Variants in GALNT13 observed in about 807,000 individuals in gnomAD.
GALNT13 encodes polypeptide N-acetylgalactosaminyltransferase 13.
GALNT13 carries 28 observed loss-of-function variants against 64.2 expected under a neutral mutation model. The observed-to-expected ratio is 0.44, with a 90% CI of 0.32 to 0.60. The LOEUF (loss-of-function observed/expected upper bound fraction) is 0.60. Ranked by LOEUF, GALNT13 falls within the 20% of genes least tolerant of loss-of-function variation. GALNT13 has a pLI of 0.05. For missense variants in GALNT13, 577 were observed against 669.8 expected (o/e 0.86, Z 1.53); for synonymous variants, 214 against 224.6 (o/e 0.95, Z 0.42).
chr2:154,015,405 G>A (rs1696935871), intron 3 of GALNT13, among the ~76,000 whole-genome samples: 1 of 152,194 alleles, frequency 6.6e-6, no homozygotes, highest in South Asian at 2.1e-4. Flanking sequence ...CTGTGCTGAT[G>A]TAGGTACTTC....
intron 4 of GALNT13, among the ~76,000 whole-genome samples, chr2:154,176,357 C>G (rs1023488732): frequency 6.6e-6 from 1 of 151,340 alleles, no homozygotes; most frequent in Non-Finnish European, 1.5e-5. Flanking sequence ...TCACTGCAAC[C>G]TCCGCCTCCT....
chr2:153,247,516 A>G, the GALNT13 span, among the ~76,000 whole-genome samples: 1 of 152,248 alleles, frequency 6.6e-6, no homozygotes, highest in Non-Finnish European at 1.5e-5. Context: ...TGGAAATTCA[A>G]AGATATTTCC....
At chr2:153,797,543 C>A in the GALNT13 span, among the ~76,000 whole-genome samples, 1 of 152,106 alleles carries the variant, frequency 6.6e-6, no homozygotes. Flanking sequence ...TATCACTCTG[C>A]TTCCTATGTC....
the GALNT13 span, among the ~76,000 whole-genome samples, chr2:153,679,603 C>T: frequency 6.6e-6 from 1 of 151,802 alleles, no homozygotes. Context: ...GATGTCTTCA[C>T]CTTATTATCC....
chr2:154,235,843 T>C (rs1186600566), intron 4 of GALNT13, among the ~76,000 whole-genome samples: 1 of 152,170 alleles, frequency 6.6e-6, no homozygotes, highest in East Asian at 1.9e-4. Context: ...TCTGAAAACA[T>C]CAATATGGTT....
intron 12 of GALNT13, among the ~76,000 whole-genome samples, chr2:154,443,753 C>A (rs911941615): frequency 9.9e-5 from 15 of 151,948 alleles, no homozygotes; most frequent in Admixed American, 9.9e-4. Context: ...TAGAGATACT[C>A]CACGCTACAT....
At chr2:153,276,158 A>C in the GALNT13 span, among the ~76,000 whole-genome samples, 1 of 152,108 alleles carries the variant, frequency 6.6e-6, no homozygotes, top group East Asian at 1.9e-4. Flanking sequence ...GTATTATATA[A>C]AACATGGTTT....
At chr2:153,850,005 CAAAAAAAAAAAAAA>C in the GALNT13 span, among the ~76,000 whole-genome samples, 5 of 84,726 alleles carry the variant, frequency 5.9e-5, no homozygotes, top group Non-Finnish European at 1.1e-4. Flanking sequence ...ACTAAAAATA[CAAAAAAAAAAAAAA>C]AAAAAAAAAA....
chr2:154,433,314 G>A (rs1407480381), intron 11 of GALNT13, among the ~76,000 whole-genome samples: 3 of 152,054 alleles, frequency 2.0e-5, no homozygotes, highest in African/African-American at 7.2e-5. Flanking sequence ...AATATGCATT[G>A]TCCTCTCTCT....
intron 3 of GALNT13, among the ~76,000 whole-genome samples, chr2:154,083,133 T>C (rs1335252741): frequency 1.3e-5 from 2 of 152,106 alleles, no homozygotes; most frequent in Non-Finnish European, 2.9e-5. Flanking sequence ...TGCATATGGC[T>C]AGCCAGTTTT....
the GALNT13 span, among the ~76,000 whole-genome samples, chr2:153,749,403 A>G: frequency 6.6e-6 from 1 of 152,028 alleles, no homozygotes; most frequent in Non-Finnish European, 1.5e-5. Context: ...TAGAGATTGT[A>G]TTGAATTTGT....
At chr2:153,742,834 C>G in the GALNT13 span, among the ~76,000 whole-genome samples, 10 of 151,846 alleles carry the variant, frequency 6.6e-5, no homozygotes, top group Admixed American at 6.6e-4. Context: ...TGAACACTTA[C>G]ATTGATTTCA....
the GALNT13 span, among the ~76,000 whole-genome samples, chr2:153,710,943 ATTTTC>A: frequency 5.3e-5 from 8 of 151,908 alleles, no homozygotes; most frequent in African/African-American, 1.7e-4. Context: ...TTATTAATCT[ATTTTC>A]TTTATGAATA....
At chr2:153,519,159 C>G in the GALNT13 span, among the ~76,000 whole-genome samples, 6 of 152,128 alleles carry the variant, frequency 3.9e-5, no homozygotes, top group Admixed American at 3.9e-4. Context: ...TTTCACACGT[C>G]CAAACAGGAT....
the GALNT13 span, among the ~76,000 whole-genome samples, chr2:153,743,828 C>T: frequency 2.0e-5 from 3 of 152,278 alleles, no homozygotes; most frequent in Admixed American, 1.3e-4. Flanking sequence ...CTACAACACT[C>T]CATGACTCTT....
chr2:154,090,100 G>A (rs1701731422), intron 3 of GALNT13, among the ~76,000 whole-genome samples: 1 of 152,082 alleles, frequency 6.6e-6, no homozygotes, highest in African/African-American at 2.4e-5. Context: ...AATACAAAAT[G>A]ATGTGAGTAC....
the GALNT13 span, among the ~76,000 whole-genome samples, chr2:153,521,573 G>T: frequency 6.6e-6 from 1 of 152,150 alleles, no homozygotes; most frequent in South Asian, 2.1e-4. Flanking sequence ...TTTACATCAG[G>T]CTACATTCTT....
At chr2:153,844,446 C>A in the GALNT13 span, among the ~76,000 whole-genome samples, 1 of 152,184 alleles carries the variant, frequency 6.6e-6, no homozygotes, top group Non-Finnish European at 1.5e-5. Flanking sequence ...TAGCAGGGCC[C>A]TGGACCAGGG....
chr2:154,141,552 C>T (rs927284550), intron 4 of GALNT13, among the ~76,000 whole-genome samples: 12 of 152,074 alleles, frequency 7.9e-5, no homozygotes, highest in Non-Finnish European at 1.8e-4. Flanking sequence ...CATCAAACAT[C>T]ACTAGGCAAT....
Sources: gnomAD v4.1 joint callset for allele counts (sites outside exome capture counted in the v4.1 genomes callset) on GRCh38, gnomAD v4.1.1 for gene constraint, MANE v1.5 for transcripts, NCBI Gene and HGNC (gene_info 2026-07-23, HGNC 2026-07-21) for gene names.